ACBD6: variants seen among roughly 807,000 people sequenced by gnomAD.
ACBD6 encodes acyl-CoA-binding domain-containing protein 6.
Under a neutral mutation model 37.2 loss-of-function variants are expected in ACBD6, and 28 were observed. That is an observed-to-expected ratio of 0.75 (90% CI 0.56 to 1.03). The LOEUF (loss-of-function observed/expected upper bound fraction) is 1.03. Ranked by LOEUF, ACBD6 falls within the 50% of genes least tolerant of loss-of-function variation. The probability of loss-of-function intolerance (pLI) is 0.00; values close to 1 mark genes in which losing one functional copy is unlikely to be tolerated. For missense variants in ACBD6, 340 were observed against 337.4 expected (o/e 1.01, Z -0.06); for synonymous variants, 113 against 126.8 (o/e 0.89, Z 0.73).
intron 6 of ACBD6, among the ~76,000 whole-genome samples, chr1:180,343,348 A>C (rs1299743059): frequency 2.0e-5 from 3 of 152,168 alleles, no homozygotes; most frequent in Non-Finnish European, 4.4e-5. Flanking sequence ...TGATAAAATA[A>C]TATACAAAGT....
chr1:180,421,192 G>A (rs1250260746), intron 4 of ACBD6, among the ~76,000 whole-genome samples: 1 of 152,110 alleles, frequency 6.6e-6, no homozygotes, highest in African/African-American at 2.4e-5. Context: ...AAGGAGCTTA[G>A]TGTGTGTTGT....
intron 4 of ACBD6, 147 bp downstream of exon 4, chr1:180,430,033 T>C (rs1346580814): frequency 1.0e-5 from 7 of 682,118 alleles, no homozygotes; most frequent in Admixed American, 5.5e-5. Flanking sequence ...ATCAGTTTCA[T>C]GTTAAGAAGG....
At chr1:180,298,108 T>C (rs1649993569) in intron 7 of ACBD6, among the ~76,000 whole-genome samples, 1 of 152,228 alleles carries the variant, frequency 6.6e-6, no homozygotes, top group African/African-American at 2.4e-5. Context: ...TGAATCACTG[T>C]ATACCAAATT....
intron 4 of ACBD6, among the ~76,000 whole-genome samples, chr1:180,421,376 A>G (rs928200545): frequency 1.3e-5 from 2 of 152,220 alleles, no homozygotes; most frequent in Non-Finnish European, 2.9e-5. Context: ...ATAGTATTCT[A>G]CATTTTCTTT....
rs535773150 is a variant in ACBD6 at position 180,415,052 on chromosome 1, G to A, written c.468-1581C>T. On this transcript the variant is annotated intron_variant, in intron 4 of 7. Transcript: ENST00000367595. The stretch of plus-strand genomic sequence containing the variant: ...AGATTGCGCCACTGCACTCCAGCCT[G>A]GGCAACAGAGCGAGACTCCATCTCA... 7.3e-5 allele frequency among the ~76,000 whole-genome samples: 11 copies of A among 151,718 alleles called. No individual in the cohort carries two copies. In the East Asian group the frequency reaches 2.1e-3, roughly 29 times the overall value.
intron 3 of ACBD6, among the ~76,000 whole-genome samples, chr1:180,462,351 A>G (rs1282582056): frequency 6.6e-6 from 1 of 152,224 alleles, no homozygotes; most frequent in Non-Finnish European, 1.5e-5. Context: ...CTCATCTCAC[A>G]TGCAATGACT....
At chr1:180,318,001 AC>A (rs1456741334) in intron 6 of ACBD6, among the ~76,000 whole-genome samples, 3 of 152,100 alleles carry the variant, frequency 2.0e-5, no homozygotes, top group Admixed American at 1.3e-4. Flanking sequence ...ACATGATGAA[AC>A]CTTGTCTCTA....
intron 5 of ACBD6, among the ~76,000 whole-genome samples, chr1:180,401,558 AAG>A (rs1647361278): frequency 6.6e-6 from 1 of 151,914 alleles, no homozygotes; most frequent in East Asian, 1.9e-4. Flanking sequence ...CCGAGGAGGG[AAG>A]ATCACCTGAG....
chr1:180,426,540 T>C (rs370974635), intron 4 of ACBD6, among the ~76,000 whole-genome samples: 4 of 152,344 alleles, frequency 2.6e-5, no homozygotes, highest in South Asian at 2.1e-4. Flanking sequence ...TAAGATTTGT[T>C]ACTCTCGTTT....
At chr1:180,417,946 C>G (rs890817397) in intron 4 of ACBD6, among the ~76,000 whole-genome samples, 31 of 152,150 alleles carry the variant, frequency 2.0e-4, no homozygotes, top group African/African-American at 7.5e-4. Flanking sequence ...GAAATGTATT[C>G]TGTTCAAATA....
intron 6 of ACBD6, among the ~76,000 whole-genome samples, chr1:180,327,719 T>C (rs1571364427): frequency 6.6e-6 from 1 of 152,184 alleles, no homozygotes; most frequent in East Asian, 1.9e-4. Flanking sequence ...TTTCCTACAG[T>C]GTGGAGTGCA....
At chr1:180,321,050 C>G (rs1571356807) in intron 6 of ACBD6, among the ~76,000 whole-genome samples, 1 of 152,222 alleles carries the variant, frequency 6.6e-6, no homozygotes, top group South Asian at 2.1e-4. Context: ...AAGAGGCTGT[C>G]TTTTCCCCAA....
chr1:180,493,545 T>C (rs139142343), intron 2 of ACBD6, among the ~76,000 whole-genome samples: 4 of 152,326 alleles, frequency 2.6e-5, no homozygotes, highest in African/African-American at 9.6e-5. Context: ...ATGATGAATA[T>C]AATATCTTTC....
intron 3 of ACBD6, among the ~76,000 whole-genome samples, chr1:180,432,711 T>A (rs1648861276): frequency 6.6e-6 from 1 of 151,746 alleles, no homozygotes; most frequent in Admixed American, 6.6e-5. Context: ...AACTCAGAAA[T>A]GAAAGTGGAG....
rs1220683670 is a variant in ACBD6 at position 180,502,443 on chromosome 1, T to C, written c.-177A>G. 10 of 705,296 alleles carry C rather than the reference T, an allele frequency of 1.4e-5. No homozygotes were observed. In the Admixed American group the frequency reaches 1.7e-4, roughly 12 times the overall value. The allele number at this position is 705,296 out of a possible 1,614,324, so 43.7% of individuals were successfully genotyped here. On this transcript the variant is annotated 5_prime_UTR_variant, in exon 1 of 8. Transcript: ENST00000367595. ...CTGCTCCCTGCCCACTTCTACTCCC[T>C]GGGCGTGCAGAGCAGGCTCCTCGAC...
chr1:180,472,464 T>C (rs1490561862), intron 3 of ACBD6, among the ~76,000 whole-genome samples: 1 of 152,164 alleles, frequency 6.6e-6, no homozygotes, highest in Non-Finnish European at 1.5e-5. Context: ...AGAGAGAAAC[T>C]TCCCCAATTT....
chr1:180,284,625 C>A (rs1649416892), downstream of ACBD6, among the ~76,000 whole-genome samples: 1 of 151,966 alleles, frequency 6.6e-6, no homozygotes, highest in Non-Finnish European at 1.5e-5. Flanking sequence ...CCGCCTCAGC[C>A]TCCCAAAGTG....
At chr1:180,321,805 A>T (rs934444682) in intron 6 of ACBD6, among the ~76,000 whole-genome samples, 1 of 152,180 alleles carries the variant, frequency 6.6e-6, no homozygotes, top group Admixed American at 6.5e-5. Flanking sequence ...CTATAATCTT[A>T]TGATAAATTA....
downstream of ACBD6, among the ~76,000 whole-genome samples, chr1:180,284,845 T>C (rs1399019792): frequency 6.6e-6 from 1 of 152,072 alleles, no homozygotes; most frequent in Non-Finnish European, 1.5e-5. Flanking sequence ...ATAATTACCC[T>C]GATTTTGAAT....
Sources: gnomAD v4.1 joint callset for allele counts (sites outside exome capture counted in the v4.1 genomes callset) on GRCh38, gnomAD v4.1.1 for gene constraint, MANE v1.5 for transcripts, NCBI Gene and HGNC (gene_info 2026-07-23, HGNC 2026-07-21) for gene names.